ARHGAP15: variants seen among roughly 807,000 people sequenced by gnomAD.
ARHGAP15 encodes rho GTPase-activating protein 15.
A neutral mutation model predicts 63.7 loss-of-function variants in ARHGAP15; 51 were observed. That is an observed-to-expected ratio of 0.80 (90% confidence interval 0.64 to 1.01). The LOEUF is 1.01. ARHGAP15 is among the 50% of genes least tolerant of loss of function. The pLI is 0.00. For missense variants in ARHGAP15, 560 were observed against 564.6 expected (o/e 0.99, Z 0.08); for synonymous variants, 191 against 193.8 (o/e 0.99, Z 0.12).
chr2:143,206,475 G>T (rs910301308), intron 3 of ARHGAP15, among the ~76,000 whole-genome samples: 2 of 151,844 alleles, frequency 1.3e-5, no homozygotes, highest in African/African-American at 4.8e-5. Context: ...AATTAATTAC[G>T]TGGATCTCAA....
rs990345709 is a variant in ARHGAP15 at position 143,317,654 on chromosome 2, C to T, written c.474+67054C>T. ...TAGTGACTAGCTTTTGGTGGCTTTA[C>T]CTCCAAAACTGAGGAATTTGTACTG... is the stretch of plus-strand genomic sequence containing the variant. On this transcript the variant is annotated intron_variant, in intron 6 of 13. Coordinates refer to ENST00000295095, the MANE Select transcript of ARHGAP15 (RefSeq NM_018460.4). 2.0e-5 allele frequency among the ~76,000 whole-genome samples: 3 copies of T among 152,100 alleles called. No homozygotes were observed. The East Asian group carries it at 5.8e-4, about 29-fold the overall frequency.
At chr2:143,752,601 T>C (rs1686422764) in intron 13 of ARHGAP15, among the ~76,000 whole-genome samples, 1 of 152,114 alleles carries the variant, frequency 6.6e-6, no homozygotes, top group African/African-American at 2.4e-5. Context: ...CTCATAGAAC[T>C]AATAATCATG....
intron 12 of ARHGAP15, among the ~76,000 whole-genome samples, chr2:143,664,482 G>A (rs527550385): frequency 0.013 from 2,010 of 151,304 alleles, 39 homozygotes; most frequent in African/African-American, 0.041. Flanking sequence ...TCCAAAATTG[G>A]CACCCTAACA....
intron 12 of ARHGAP15, among the ~76,000 whole-genome samples, chr2:143,672,205 C>T (rs1325314040): frequency 1.3e-5 from 2 of 151,954 alleles, no homozygotes; most frequent in African/African-American, 4.8e-5. Flanking sequence ...TAGAGAGAGT[C>T]ATTAAGGTCT....
intron 6 of ARHGAP15, among the ~76,000 whole-genome samples, chr2:143,379,279 A>T (rs1336263781): frequency 6.6e-6 from 1 of 152,004 alleles, no homozygotes; most frequent in African/African-American, 2.4e-5. Context: ...GTTGTTGCTG[A>T]TCAGTGCTTG....
At chr2:143,669,303 C>A (rs1386329000) in intron 12 of ARHGAP15, among the ~76,000 whole-genome samples, 1 of 152,194 alleles carries the variant, frequency 6.6e-6, no homozygotes, top group East Asian at 1.9e-4. Flanking sequence ...TCCTTACCCA[C>A]TGTACTATAT....
intron 6 of ARHGAP15, among the ~76,000 whole-genome samples, chr2:143,400,631 C>T (rs1435653613): frequency 6.6e-6 from 1 of 151,782 alleles, no homozygotes; most frequent in Non-Finnish European, 1.5e-5. Flanking sequence ...TAACCAAATA[C>T]GAAGGGAGGC....
At chr2:143,208,678 A>G (rs1000161454) in intron 3 of ARHGAP15, among the ~76,000 whole-genome samples, 1 of 152,180 alleles carries the variant, frequency 6.6e-6, no homozygotes, top group African/African-American at 2.4e-5. Context: ...ATCATCAAAT[A>G]TATCAATATG....
rs1690691771 is a variant in ARHGAP15, at chr2:143,457,004, T to C, written c.703+19962T>C. On this transcript the variant is annotated intron_variant, in intron 8 of 13. Coordinates refer to ENST00000295095, the MANE Select transcript of ARHGAP15 (RefSeq NM_018460.4). ...ATTTATTAATTTAACAGATGGTGAG[T>C]TAAAAAGTAAAAACAAAATCTCGAA... Among the ~76,000 whole-genome samples, 3 of 152,146 alleles carry C rather than the reference T, an allele frequency of 2.0e-5. No individual in the cohort carries two copies. In the South Asian group the frequency reaches 6.2e-4, roughly 32 times the overall value.
intron 6 of ARHGAP15, among the ~76,000 whole-genome samples, chr2:143,409,499 A>T (rs958057666): frequency 6.6e-6 from 1 of 152,096 alleles, no homozygotes; most frequent in Non-Finnish European, 1.5e-5. Flanking sequence ...TTAACGTTAC[A>T]TGATTTAAGA....
chr2:143,150,792 T>G (rs867302079), intron 1 of ARHGAP15, among the ~76,000 whole-genome samples: 1 of 151,940 alleles, frequency 6.6e-6, no homozygotes, highest in African/African-American at 2.4e-5. Context: ...CAAAATTTAA[T>G]AGTAACAATA....
chr2:143,498,689 T>C (rs1167924469), intron 9 of ARHGAP15, among the ~76,000 whole-genome samples: 3 of 152,076 alleles, frequency 2.0e-5, no homozygotes, highest in Non-Finnish European at 4.4e-5. Context: ...CCCCAAAATT[T>C]GGAAACGATT....
chr2:143,207,026 A>G (rs537856252), intron 3 of ARHGAP15, among the ~76,000 whole-genome samples: 2 of 151,538 alleles, frequency 1.3e-5, no homozygotes, highest in Non-Finnish European at 2.9e-5. Flanking sequence ...TATAATATAT[A>G]TAAAATCCAA....
chr2:143,399,638 G>A lies in ARHGAP15; in HGVS notation c.475-35963G>A, dbSNP rs530228817. 5.3e-5 allele frequency among the ~76,000 whole-genome samples: 8 copies of A among 152,118 alleles called. No individual in the cohort carries two copies. In the East Asian group the frequency reaches 1.4e-3, roughly 26 times the overall value. On this transcript the variant is annotated intron_variant, in intron 6 of 13. Coordinates refer to ENST00000295095, the MANE Select transcript of ARHGAP15 (RefSeq NM_018460.4). ...TATCTCTGTGAAATAGGTGCCACCAGATTTTTACAGCTGGGAAAAAAGCCT... is the reference window on the plus strand; with the variant it reads ...TATCTCTGTGAAATAGGTGCCACCAAATTTTTACAGCTGGGAAAAAAGCCT...
chr2:143,304,154 C>T (rs1574241892), intron 6 of ARHGAP15, among the ~76,000 whole-genome samples: 1 of 152,074 alleles, frequency 6.6e-6, no homozygotes, highest in Non-Finnish European at 1.5e-5. Flanking sequence ...CACATGCACA[C>T]GTATGTTTAT....
chr2:143,536,106 T>C (rs191344318), intron 10 of ARHGAP15, among the ~76,000 whole-genome samples: 25 of 152,370 alleles, frequency 1.6e-4, no homozygotes, highest in Middle Eastern at 3.4e-3. Flanking sequence ...CATCATTAAC[T>C]GTAGTCGTCT....
chr2:143,509,301 A>C (rs1268967038), intron 9 of ARHGAP15, among the ~76,000 whole-genome samples: 4 of 151,958 alleles, frequency 2.6e-5, no homozygotes, highest in African/African-American at 9.7e-5. Flanking sequence ...AAGTTAAAGT[A>C]ATTAAGCTTT....
chr2:143,536,264 C>A (rs1457662936), intron 10 of ARHGAP15, among the ~76,000 whole-genome samples: 9 of 152,140 alleles, frequency 5.9e-5, no homozygotes, highest in South Asian at 2.1e-4. Context: ...ATGAGGTCAA[C>A]CTTTTTGAAT....
intron 8 of ARHGAP15, among the ~76,000 whole-genome samples, chr2:143,460,748 T>C (rs963859460): frequency 6.6e-6 from 1 of 152,142 alleles, no homozygotes; most frequent in Non-Finnish European, 1.5e-5. Flanking sequence ...TCCTCCTCTC[T>C]TTGATAAGAA....
Sources: gnomAD v4.1 joint callset for allele counts (sites outside exome capture counted in the v4.1 genomes callset) on GRCh38, gnomAD v4.1.1 for gene constraint, MANE v1.5 for transcripts, NCBI Gene and HGNC (gene_info 2026-07-23, HGNC 2026-07-21) for gene names.